Variants in RBFOX1 observed in about 807,000 individuals in gnomAD.
RBFOX1 encodes RNA binding fox-1 homolog 1, also known as RNA binding protein fox-1 homolog 1.
RBFOX1 carries 8 observed loss-of-function variants against 57.7 expected under a neutral mutation model. That is an observed-to-expected ratio of 0.14 (90% confidence interval 0.08 to 0.25). RBFOX1 has a LOEUF of 0.25. Ranked by LOEUF, RBFOX1 falls within the 10% of genes least tolerant of loss-of-function variation. The pLI is 1.00. For synonymous variants in RBFOX1, 326 were observed against 222.4 expected, an observed-to-expected ratio of 1.47 and a Z score of -4.15; for missense variants, 611 against 548.5, an observed-to-expected ratio of 1.11 and a Z score of -1.14.
chr16:5,636,794 A>G (rs2048698521), intron 3 of RBFOX1, among the ~76,000 whole-genome samples: 1 of 152,168 alleles, frequency 6.6e-6, no homozygotes, highest in Non-Finnish European at 1.5e-5. Flanking sequence ...TCAAATGGGA[A>G]TTTGATTTAG....
At chr16:6,999,819 C>A (rs147163505) in intron 3 of RBFOX1, among the ~76,000 whole-genome samples, 1 of 152,154 alleles carries the variant, frequency 6.6e-6, no homozygotes, top group African/African-American at 2.4e-5. Flanking sequence ...TGCCTGTAAT[C>A]CCAGTATTTT....
chr16:6,920,440 G>C (rs573865136), intron 3 of RBFOX1, among the ~76,000 whole-genome samples: 1 of 152,132 alleles, frequency 6.6e-6, no homozygotes, highest in Non-Finnish European at 1.5e-5. Context: ...GCTTGTTTAA[G>C]TTGATACGAA....
intron 4 of RBFOX1, among the ~76,000 whole-genome samples, chr16:7,437,518 G>A (rs986006454): frequency 3.9e-5 from 6 of 152,144 alleles, no homozygotes; most frequent in African/African-American, 1.4e-4. Context: ...CCAAGCTGCA[G>A]AGTACCATTT....
chr16:6,491,833 A>T (rs1304444424), intron 2 of RBFOX1, among the ~76,000 whole-genome samples: 2 of 152,194 alleles, frequency 1.3e-5, no homozygotes, highest in Non-Finnish European at 2.9e-5. Flanking sequence ...TTTTGGCCCA[A>T]AGCTATATCA....
At chr16:6,662,672 C>T (rs528606167) in intron 3 of RBFOX1, among the ~76,000 whole-genome samples, 4 of 151,894 alleles carry the variant, frequency 2.6e-5, no homozygotes, top group Non-Finnish European at 5.9e-5. Flanking sequence ...AGAAAAAAAA[C>T]CTAAAAGACT....
At chr16:5,968,352 G>T (rs571817796) in intron 4 of RBFOX1, among the ~76,000 whole-genome samples, 1 of 152,218 alleles carries the variant, frequency 6.6e-6, no homozygotes, top group African/African-American at 2.4e-5. Context: ...TGGGATTACC[G>T]GTGTGAGCCA....
At chr16:6,125,248 T>C (rs2096581149) in intron 1 of RBFOX1, among the ~76,000 whole-genome samples, 1 of 152,214 alleles carries the variant, frequency 6.6e-6, no homozygotes, top group East Asian at 1.9e-4. Context: ...ACAATGTTTT[T>C]TTCTTATATG....
At chr16:5,243,657 C>T (rs1397323114) in intron 1 of RBFOX1, among the ~76,000 whole-genome samples, 1 of 152,120 alleles carries the variant, frequency 6.6e-6, no homozygotes, top group Admixed American at 6.5e-5. Context: ...AGCAAAACCA[C>T]CCCAGTTGAG....
chr16:6,654,989 G>A (rs552607380), intron 3 of RBFOX1, among the ~76,000 whole-genome samples: 103 of 64,836 alleles, frequency 1.6e-3, no homozygotes, highest in Non-Finnish European at 2.5e-3. Flanking sequence ...TGTATCATAT[G>A]TATAATTAAT....
At position 5,282,695 on chromosome 16, in the gene RBFOX1, T is replaced by A. The variant is rs925442121; in HGVS notation, c.219+42590T>A. 7.9e-5 allele frequency among the ~76,000 whole-genome samples: 12 copies of A among 152,162 alleles called. 1 individual carries two copies. Among genetic ancestry groups the A allele is most frequent in the African/African-American group, 1.7e-4 (7 of 41,420 alleles). ...GATTTAGGGTATCTGGTAGAAGAGA[T>A]TTCTAAGCAGCAAAGCATTCAACAC... On this transcript the variant is annotated intron_variant, in intron 1 of 2. Transcript: ENST00000585867.
At chr16:7,132,800 G>A (rs145053149) in intron 4 of RBFOX1, among the ~76,000 whole-genome samples, 22 of 152,066 alleles carry the variant, frequency 1.4e-4, no homozygotes, top group African/African-American at 4.8e-4. Flanking sequence ...GAAACAGTGG[G>A]CTTATCAAAA....
intron 4 of RBFOX1, among the ~76,000 whole-genome samples, chr16:7,299,277 A>G (rs569028316): frequency 6.6e-6 from 1 of 152,322 alleles, no homozygotes; most frequent in East Asian, 1.9e-4. Context: ...TAGGCAAAAG[A>G]TGGCCGTAAA....
chr16:7,074,252 A>C (rs1223903653), intron 4 of RBFOX1, among the ~76,000 whole-genome samples: 1 of 152,254 alleles, frequency 6.6e-6, no homozygotes, highest in African/African-American at 2.4e-5. Context: ...GTTTATAGGA[A>C]AAGATGGACA....
At chr16:5,595,721 C>A (rs1393709704) in intron 2 of RBFOX1, among the ~76,000 whole-genome samples, 6 of 152,172 alleles carry the variant, frequency 3.9e-5, no homozygotes, top group African/African-American at 1.2e-4. Context: ...GGCTCTGTTT[C>A]CCCAACTCAG....
At chr16:5,690,286 C>T (rs1355777552) in intron 3 of RBFOX1, among the ~76,000 whole-genome samples, 2 of 152,196 alleles carry the variant, frequency 1.3e-5, no homozygotes, top group Admixed American at 6.5e-5. Flanking sequence ...CAAAGTGCTT[C>T]TGTATGATGG....
At chr16:6,557,962 G>T (rs528338282) in intron 2 of RBFOX1, among the ~76,000 whole-genome samples, 2 of 151,952 alleles carry the variant, frequency 1.3e-5, no homozygotes, top group Non-Finnish European at 2.9e-5. Flanking sequence ...ATTCTTTCTT[G>T]CCACAACCTC....
At chr16:6,513,467 C>T (rs1329460045) in intron 2 of RBFOX1, among the ~76,000 whole-genome samples, 2 of 152,162 alleles carry the variant, frequency 1.3e-5, no homozygotes, top group African/African-American at 4.8e-5. Flanking sequence ...GGCGCGGTGG[C>T]TCACGTCTGT....
intron 3 of RBFOX1, among the ~76,000 whole-genome samples, chr16:6,693,286 T>G (rs1452570244): frequency 7.2e-6 from 1 of 139,434 alleles, no homozygotes; most frequent in South Asian, 2.4e-4. Flanking sequence ...CCACCGTCAT[T>G]AGCAACATCA....
At chr16:6,084,528 A>T (rs1041875710) in intron 1 of RBFOX1, among the ~76,000 whole-genome samples, 1 of 152,072 alleles carries the variant, frequency 6.6e-6, no homozygotes, top group African/African-American at 2.4e-5. Flanking sequence ...GCAGACAAAA[A>T]CCACTGCACC....
Sources: gnomAD v4.1 joint callset for allele counts (sites outside exome capture counted in the v4.1 genomes callset) on GRCh38, gnomAD v4.1.1 for gene constraint, MANE v1.5 for transcripts, NCBI Gene and HGNC (gene_info 2026-07-23, HGNC 2026-07-21) for gene names.